The following CCNG2 variants were observed in gnomAD, a reference collection of about 807,000 sequenced individuals.
The protein encoded by CCNG2 is cyclin-G2.
Under a neutral mutation model 36.5 loss-of-function variants are expected in CCNG2, and 20 were observed. That is an observed-to-expected ratio of 0.55 (90% confidence interval 0.39 to 0.80). CCNG2 has a LOEUF of 0.80. Ranked by LOEUF, CCNG2 falls within the 30% of genes least tolerant of loss-of-function variation. The probability of loss-of-function intolerance (pLI) is 0.00; values close to 1 mark genes in which losing one functional copy is unlikely to be tolerated. For synonymous variants in CCNG2, 155 were observed against 140.1 expected (o/e 1.11, Z -0.75); for missense variants, 358 against 390.8 (o/e 0.92, Z 0.71).
rs1485902645 is a variant in CCNG2 at position 77,168,323 on chromosome 4, T to C, written c.*2399T>C. ...CCATTGGCATGGTTTAGACCTGTAC[T>C]CTTTATCAGCAGAGGTACTGTAATA... On this transcript the variant is annotated 3_prime_UTR_variant, in exon 8 of 8. Transcript: ENST00000316355. 2 of 152,284 alleles carry C rather than the reference T, an allele frequency of 1.3e-5. No homozygotes were observed. Among genetic ancestry groups the C allele is most frequent in the Non-Finnish European group, 1.5e-5 (1 of 68,058 alleles). 9.4% of individuals were successfully genotyped at this position (152,284 alleles called of 1,614,324 possible).
intron 1 of CCNG2, chr4:77,158,306 C>T (rs1043783864): frequency 1.8e-6 from 1 of 554,386 alleles, no homozygotes; most frequent in Non-Finnish European, 3.2e-6. Flanking sequence ...CGGTCTTACC[C>T]AGCGCTGGCC....
chr4:77,159,881 T>C (rs754007098), intron 3 of CCNG2, among the ~76,000 whole-genome samples: 7 of 152,222 alleles, frequency 4.6e-5, no homozygotes, highest in Admixed American at 6.5e-5. Context: ...TAACAGTTTA[T>C]TAAATATGAC....
intron 2 of CCNG2, 30 bp downstream of exon 2, chr4:77,158,700 AGC>A (rs1731342781): frequency 1.2e-6 from 2 of 1,611,864 alleles, no homozygotes; most frequent in South Asian, 2.2e-5. Context: ...AACTTGCTCA[AGC>A]AGCTGATGGG....
At chr4:77,162,376 ATTTTTTT>A (rs35692387) in intron 6 of CCNG2, among the ~76,000 whole-genome samples, 2 of 71,448 alleles carry the variant, frequency 2.8e-5, no homozygotes, top group Non-Finnish European at 5.2e-5. Flanking sequence ...GTACTTTGGG[ATTTTTTT>A]TTTTTTTTTT....
At position 77,161,572 on chromosome 4, in the gene CCNG2, T is replaced by G. The variant is rs929657451; in HGVS notation, c.606+14T>G. The G allele has an allele frequency of 1.4e-5, 22 of 1,602,002 alleles. No homozygotes were observed. The highest frequency in any genetic ancestry group is 1.8e-5 in the Non-Finnish European group (21 of 1,174,170). On this transcript the variant is annotated intron_variant, in intron 5 of 7. Coordinates refer to ENST00000316355, the MANE Select transcript of CCNG2 (RefSeq NM_004354.3). ...TCAAAAGCAAAAGTAAGTCGATTCC[T>G]TGCTTATGTATATATCTCACAGTTT...
intron 6 of CCNG2, among the ~76,000 whole-genome samples, chr4:77,163,374 A>G (rs974728891): frequency 6.6e-6 from 1 of 152,164 alleles, no homozygotes; most frequent in Non-Finnish European, 1.5e-5. Flanking sequence ...ATTGAAGGTC[A>G]TTGGGTGTGT....
intron 3 of CCNG2, among the ~76,000 whole-genome samples, chr4:77,159,933 G>A (rs558125160): frequency 2.1e-4 from 32 of 152,300 alleles, no homozygotes; most frequent in South Asian, 1.7e-3. Flanking sequence ...AGGGAGCCAT[G>A]GTTTTATTAA....
intron 6 of CCNG2, among the ~76,000 whole-genome samples, chr4:77,162,628 C>T (rs1365749369): frequency 6.6e-6 from 1 of 152,030 alleles, no homozygotes; most frequent in African/African-American, 2.4e-5. Context: ...AGTGATCCCA[C>T]CTGCCTTGGC....
At chr4:77,159,728 T>C (rs548888051) in intron 3 of CCNG2, among the ~76,000 whole-genome samples, 144 of 152,352 alleles carry the variant, frequency 9.5e-4, no homozygotes, top group African/African-American at 3.2e-3. Context: ...TTAAGTACTT[T>C]CTCTTGAATA....
intron 1 of CCNG2, 105 bp from the exon 2 acceptor site, chr4:77,158,428 G>A (rs1731333305): frequency 1.8e-6 from 2 of 1,135,302 alleles, no homozygotes; most frequent in Non-Finnish European, 2.6e-6. Flanking sequence ...TTGTCGGGGT[G>A]TGCTGGGGCG....
At position 77,165,848 on chromosome 4, in the gene CCNG2, G is replaced by T; in HGVS notation, c.959G>T (p.Ser320Ile). Reference sequence around the variant, plus strand: ...AGTTGTGGAGAGGAGAGTCTCAGCAGCTCTCCTCCCAGTGATCAAGAGTGC... The same window carrying T: ...AGTTGTGGAGAGGAGAGTCTCAGCATCTCTCCTCCCAGTGATCAAGAGTGC... ...DMSCGEESLS[S>I]SPPSDQECTF... The change falls in exon 8 of 8, where the codon AGC (serine) becomes ATC (isoleucine). Residue 320 changes from serine (S) to isoleucine (I), a missense_variant. Transcript: ENST00000316355. 6.2e-7 allele frequency: 1 copy of T among 1,609,014 alleles called. No homozygotes were observed.
rs1391695624 is a variant in CCNG2 at position 77,167,783 on chromosome 4, A to T, written c.*1859A>T. On this transcript the variant is annotated 3_prime_UTR_variant, in exon 8 of 8. Transcript: ENST00000316355. The stretch of plus-strand genomic sequence containing the variant: ...TTCATGTAACACCTCTTCTCTGGAG[A>T]TAGGGGTATGTTTTCCTACCCTTCT... The T allele has an allele frequency of 6.6e-6, 1 of 152,126 alleles. No individual in the cohort carries two copies. The highest frequency in any genetic ancestry group is 6.6e-5 in the Admixed American group (1 of 15,266). 9.4% of individuals were successfully genotyped at this position (152,126 alleles called of 1,614,324 possible).
chr4:77,161,580 G>A (rs1470378873), intron 5 of CCNG2, 22 bp downstream of exon 5: 14 of 1,587,528 alleles, frequency 8.8e-6, no homozygotes, highest in African/African-American at 8.2e-5. Context: ...CCTTGCTTAT[G>A]TATATATCTC....
At chr4:77,157,681 C>T (rs2109912620) in intron 1 of CCNG2, among the ~76,000 whole-genome samples, 175 bp downstream of exon 1, 1 of 151,984 alleles carries the variant, frequency 6.6e-6, no homozygotes, top group East Asian at 2.0e-4. Flanking sequence ...CCGCGATGGA[C>T]AGATAGATGC....
chr4:77,157,907 C>G (rs1401869926), intron 1 of CCNG2, among the ~76,000 whole-genome samples: 2 of 152,082 alleles, frequency 1.3e-5, no homozygotes, highest in Non-Finnish European at 2.9e-5. Flanking sequence ...CTTCTCTCCC[C>G]GGACCGTAGC....
At chr4:77,165,747 T>G (rs4150092) in intron 7 of CCNG2, 54 bp from the exon 8 acceptor site, 2 of 1,415,608 alleles carry the variant, frequency 1.4e-6, no homozygotes, top group Non-Finnish European at 1.9e-6. Flanking sequence ...TATAAAACAT[T>G]TAAGTGTGTT....
At chr4:77,160,531 T>TGGGC (rs1553894287) in intron 3 of CCNG2, among the ~76,000 whole-genome samples, 190 bp from the exon 4 acceptor site, 37 of 107,386 alleles carry the variant, frequency 3.4e-4, no homozygotes, top group African/African-American at 1.6e-3. Context: ...CCTTTTTTTT[T>TGGGC]GGGGGGGGGG....
rs545313829 is a variant in CCNG2 at position 77,161,870 on chromosome 4, A to G, written c.705+123A>G. 15 of 637,644 alleles carry G rather than the reference A, an allele frequency of 2.4e-5. No individual in the cohort carries two copies. In the African/African-American group the frequency reaches 2.4e-4, roughly 10 times the overall value. 39.5% of individuals were successfully genotyped at this position (637,644 alleles called of 1,614,324 possible). A position where few individuals can be genotyped will look rare whatever the true frequency, so the allele number is the denominator to read the frequency against. On this transcript the variant is annotated intron_variant, in intron 6 of 7. Coordinates refer to ENST00000316355, the MANE Select transcript of CCNG2 (RefSeq NM_004354.3). ...AACTTTTACACTTGTTTTTTTTCTT[A>G]TATCTCTAGTGTTAAAGTTCTCAAA...
chr4:77,159,595 A>G, intron 3 of CCNG2, 91 bp downstream of exon 3: 1 of 1,239,536 alleles, frequency 8.1e-7, no homozygotes, highest in Non-Finnish European at 1.1e-6. Flanking sequence ...AATGGGTATA[A>G]TAACGTCCAC....
Sources: allele counts gnomAD v4.1 joint callset (sites outside exome capture counted in the v4.1 genomes callset), GRCh38; gene constraint gnomAD v4.1.1; transcripts MANE v1.5; gene names NCBI Gene and HGNC (gene_info 2026-07-23, HGNC 2026-07-21).